Variants in NKAIN3 observed in about 807,000 individuals in gnomAD.
NKAIN3 encodes the protein sodium/potassium transporting ATPase interacting 3.
Under a neutral mutation model 30.2 loss-of-function variants are expected in NKAIN3, and 25 were observed. That is an observed-to-expected ratio of 0.83 (90% CI 0.60 to 1.16). The LOEUF (loss-of-function observed/expected upper bound fraction) is 1.16, where lower values mean the gene tolerates loss of function less well. Ranked by LOEUF, NKAIN3 falls within the 50% of genes most tolerant of loss-of-function variation. NKAIN3 has a pLI of 0.00. For missense variants in NKAIN3, 225 were observed against 254.1 expected, an observed-to-expected ratio of 0.89 and a Z score of 0.78; for synonymous variants, 91 against 89.6, an observed-to-expected ratio of 1.02 and a Z score of -0.09.
intron 1 of NKAIN3, among the ~76,000 whole-genome samples, chr8:62,255,203 A>T (rs1429133195): frequency 6.6e-6 from 1 of 152,258 alleles, no homozygotes; most frequent in Non-Finnish European, 1.5e-5. Context: ...CTGGGAAGAC[A>T]CAGAGAGATA....
intron 4 of NKAIN3, among the ~76,000 whole-genome samples, chr8:62,853,306 G>A (rs1371436205): frequency 6.6e-6 from 1 of 152,092 alleles, no homozygotes; most frequent in African/African-American, 2.4e-5. Flanking sequence ...CCATTTGCTT[G>A]GTAGATCTTC....
intron 1 of NKAIN3, among the ~76,000 whole-genome samples, chr8:62,343,773 T>C (rs961019420): frequency 3.9e-5 from 6 of 152,002 alleles, no homozygotes; most frequent in African/African-American, 1.4e-4. Flanking sequence ...ATTGCGCCAC[T>C]GCACTCCAGG....
intron 1 of NKAIN3, among the ~76,000 whole-genome samples, chr8:62,347,760 A>T (rs757810523): frequency 2.0e-5 from 3 of 152,140 alleles, no homozygotes; most frequent in Non-Finnish European, 4.4e-5. Flanking sequence ...AACAAGGAAG[A>T]TATGATAGGC....
intron 3 of NKAIN3, among the ~76,000 whole-genome samples, chr8:62,711,178 T>C (rs575208914): frequency 6.6e-6 from 1 of 152,314 alleles, no homozygotes; most frequent in South Asian, 2.1e-4. Context: ...ATTCTTTCTT[T>C]CATCTCAACT....
intron 1 of NKAIN3, among the ~76,000 whole-genome samples, chr8:62,271,611 A>C (rs1451255962): frequency 6.6e-6 from 1 of 151,920 alleles, no homozygotes; most frequent in Non-Finnish European, 1.5e-5. Flanking sequence ...CAATAAATAG[A>C]CTCATGTTAG....
At chr8:62,623,236 G>A (rs552494602) in intron 3 of NKAIN3, among the ~76,000 whole-genome samples, 9 of 152,050 alleles carry the variant, frequency 5.9e-5, no homozygotes, top group East Asian at 3.9e-4. Context: ...CCCTTTATTC[G>A]TTTAAGCTGG....
intron 3 of NKAIN3, among the ~76,000 whole-genome samples, chr8:62,602,702 A>G (rs1388275240): frequency 3.3e-5 from 5 of 152,074 alleles, no homozygotes; most frequent in Non-Finnish European, 5.9e-5. Context: ...TTACATAACC[A>G]GTCTTAAGAT....
At chr8:62,479,312 T>A (rs1351925151) in intron 1 of NKAIN3, among the ~76,000 whole-genome samples, 1 of 152,172 alleles carries the variant, frequency 6.6e-6, no homozygotes, top group Non-Finnish European at 1.5e-5. Context: ...CTACATTATC[T>A]CATTTGGCCC....
At chr8:62,855,452 C>A in intron 4 of NKAIN3, 2 of 1,237,252 alleles carry the variant, frequency 1.6e-6, no homozygotes, top group Non-Finnish European at 2.4e-6. Context: ...CATCTTGGGT[C>A]TTTTGCTTCC....
chr8:62,883,345 T>C (rs2130816023), intron 4 of NKAIN3, among the ~76,000 whole-genome samples: 1 of 152,256 alleles, frequency 6.6e-6, no homozygotes, highest in East Asian at 1.9e-4. Flanking sequence ...TGTTTTTAAT[T>C]GCAAATGCCA....
At chr8:62,664,867 A>C (rs1813051538) in intron 3 of NKAIN3, among the ~76,000 whole-genome samples, 2 of 152,226 alleles carry the variant, frequency 1.3e-5, no homozygotes, top group South Asian at 4.1e-4. Context: ...GATGTCACCT[A>C]AAATTCAGTC....
At chr8:62,632,449 G>C (rs1811990766) in intron 3 of NKAIN3, among the ~76,000 whole-genome samples, 1 of 152,060 alleles carries the variant, frequency 6.6e-6, no homozygotes, top group Non-Finnish European at 1.5e-5. Context: ...GTTTCTCTGG[G>C]TTTGAAGTAG....
At chr8:62,788,559 T>C (rs955003320) in intron 4 of NKAIN3, among the ~76,000 whole-genome samples, 2 of 152,260 alleles carry the variant, frequency 1.3e-5, no homozygotes, top group African/African-American at 4.8e-5. Context: ...TTTGTCAATT[T>C]TGGCTTTTGT....
At chr8:62,596,595 T>C (rs554447228) in intron 3 of NKAIN3, among the ~76,000 whole-genome samples, 1 of 152,076 alleles carries the variant, frequency 6.6e-6, no homozygotes, top group Non-Finnish European at 1.5e-5. Flanking sequence ...TCTCTACCCC[T>C]AATTCTAGTG....
intron 5 of NKAIN3, among the ~76,000 whole-genome samples, chr8:62,942,233 T>TACACATATATATACATATATATAC: frequency 7.1e-6 from 1 of 141,180 alleles, no homozygotes; most frequent in Non-Finnish European, 1.5e-5. Flanking sequence ...TACATATATA[T>TACACATATATATACATATATATAC]ACACATATAT....
chr8:62,829,065 T>C lies in NKAIN3; in HGVS notation c.471+81936T>C, dbSNP rs539057515. ...TTTGGGGAGGTTTATTATATAGTAA[T>C]AGTCAATTTGTTTGATAGATAATAT... On this transcript the variant is annotated intron_variant, in intron 4 of 6. Transcript: ENST00000623646. Among the ~76,000 whole-genome samples the C allele has an allele frequency of 5.3e-5, 8 of 152,292 alleles. No individual in the cohort carries two copies. The East Asian group carries it at 9.7e-4, about 18-fold the overall frequency.
At chr8:62,934,799 GGAGA>G (rs1199595555) in intron 5 of NKAIN3, among the ~76,000 whole-genome samples, 1 of 152,112 alleles carries the variant, frequency 6.6e-6, no homozygotes, top group Non-Finnish European at 1.5e-5. Context: ...TGACACGACA[GGAGA>G]GAGATCTTAT....
intron 3 of NKAIN3, among the ~76,000 whole-genome samples, chr8:62,688,476 T>A (rs1813862062): frequency 6.6e-6 from 1 of 152,198 alleles, no homozygotes; most frequent in African/African-American, 2.4e-5. Context: ...TCCAAACTCA[T>A]TCATTCATTT....
chr8:62,554,648 G>T (rs1411850610), intron 1 of NKAIN3, among the ~76,000 whole-genome samples: 3 of 151,998 alleles, frequency 2.0e-5, no homozygotes, highest in Non-Finnish European at 4.4e-5. Context: ...GTACCTCAAG[G>T]CATCAGGCAA....
Sources: gnomAD v4.1 joint callset for allele counts (sites outside exome capture counted in the v4.1 genomes callset) on GRCh38, gnomAD v4.1.1 for gene constraint, MANE v1.5 for transcripts, NCBI Gene and HGNC (gene_info 2026-07-23, HGNC 2026-07-21) for gene names.